LDLRAD3: variants seen among roughly 807,000 people sequenced by gnomAD.
LDLRAD3 encodes low-density lipoprotein receptor class A domain-containing protein 3.
In LDLRAD3, 20 loss-of-function variants were observed where a neutral mutation model predicts 29.4. The observed-to-expected ratio is 0.68, with a 90% CI of 0.48 to 0.99. The LOEUF (loss-of-function observed/expected upper bound fraction) is 0.99, where lower values mean the gene tolerates loss of function less well. Among genes scored for constraint, LDLRAD3 ranks in the 50% least tolerant of loss-of-function variants. The probability of loss-of-function intolerance (pLI) is 0.00; values close to 1 mark genes in which losing one functional copy is unlikely to be tolerated. For synonymous variants in LDLRAD3, 157 were observed against 192.7 expected (o/e 0.81, Z 1.53); for missense variants, 420 against 454.3 (o/e 0.92, Z 0.69).
intron 4 of LDLRAD3, among the ~76,000 whole-genome samples, chr11:36,200,765 GCTTGCAGTAAGTGTT>G (rs1366577084): frequency 6.6e-6 from 1 of 152,218 alleles, no homozygotes; most frequent in Non-Finnish European, 1.5e-5. Flanking sequence ...CAACCCATGG[GCTTGCAGTAAGTGTT>G]CTTCTATCAA....
intron 4 of LDLRAD3, among the ~76,000 whole-genome samples, chr11:36,157,589 G>A (rs1854372631): frequency 6.6e-6 from 1 of 152,216 alleles, no homozygotes; most frequent in South Asian, 2.1e-4. Flanking sequence ...ACTCCACTCT[G>A]TGGATTGGGG....
At chr11:36,120,637 G>T (rs1208212072) in intron 4 of LDLRAD3, among the ~76,000 whole-genome samples, 2 of 152,156 alleles carry the variant, frequency 1.3e-5, no homozygotes, top group Non-Finnish European at 2.9e-5. Context: ...GGGTCACTCA[G>T]CTAGTAGGTG....
intron 4 of LDLRAD3, among the ~76,000 whole-genome samples, chr11:36,204,908 C>G (rs567925267): frequency 6.6e-6 from 1 of 152,272 alleles, no homozygotes; most frequent in South Asian, 2.1e-4. Flanking sequence ...CTTGGGTTGT[C>G]ACATTGGCAC....
At chr11:36,040,244 A>G (rs958032427) in intron 2 of LDLRAD3, among the ~76,000 whole-genome samples, 1 of 152,140 alleles carries the variant, frequency 6.6e-6, no homozygotes, top group Non-Finnish European at 1.5e-5. Context: ...GATATGAGGC[A>G]GTGAGCAGCT....
chr11:35,964,906 T>A (rs957500903), intron 1 of LDLRAD3, among the ~76,000 whole-genome samples: 6 of 151,834 alleles, frequency 4.0e-5, no homozygotes, highest in Non-Finnish European at 7.4e-5. Flanking sequence ...GGAAGATAAC[T>A]TGAACCCAGG....
intron 1 of LDLRAD3, among the ~76,000 whole-genome samples, chr11:36,018,184 G>C (rs933644647): frequency 6.6e-6 from 1 of 152,142 alleles, no homozygotes; most frequent in Non-Finnish European, 1.5e-5. Flanking sequence ...TTTTGGCAGG[G>C]GGCATTGTTC....
chr11:36,065,283 C>T (rs1223090659), intron 2 of LDLRAD3, among the ~76,000 whole-genome samples: 1 of 151,928 alleles, frequency 6.6e-6, no homozygotes, highest in Non-Finnish European at 1.5e-5. Context: ...AGGAACTGAA[C>T]TTTTTTTTGT....
intron 4 of LDLRAD3, among the ~76,000 whole-genome samples, chr11:36,189,433 G>A (rs1028878852): frequency 6.6e-6 from 1 of 151,898 alleles, no homozygotes. Context: ...GCAGTGAGCC[G>A]AGATTGTGCC....
At chr11:36,048,231 T>A (rs1565184715) in intron 2 of LDLRAD3, among the ~76,000 whole-genome samples, 1 of 152,164 alleles carries the variant, frequency 6.6e-6, no homozygotes, top group Non-Finnish European at 1.5e-5. Context: ...TACAGCACAT[T>A]AGTCAAAATT....
chr11:36,175,287 A>AT (rs1214219374), intron 4 of LDLRAD3, among the ~76,000 whole-genome samples: 2 of 151,458 alleles, frequency 1.3e-5, no homozygotes, highest in East Asian at 1.9e-4. Context: ...ATCTTCTGTA[A>AT]TTTTTTTTGT....
At chr11:36,204,314 C>G (rs1274534451) in intron 4 of LDLRAD3, among the ~76,000 whole-genome samples, 2 of 152,098 alleles carry the variant, frequency 1.3e-5, no homozygotes, top group African/African-American at 4.8e-5. Context: ...ATAAAGAGAC[C>G]AGGAAACTGA....
intron 1 of LDLRAD3, chr11:35,967,261 T>C: frequency 5.0e-6 from 1 of 201,876 alleles, no homozygotes; most frequent in Non-Finnish European, 1.0e-5. Context: ...AGGGCCAATT[T>C]CTGACCAGAG....
chr11:36,167,910 G>A (rs1432646236), intron 4 of LDLRAD3, among the ~76,000 whole-genome samples: 1 of 152,174 alleles, frequency 6.6e-6, no homozygotes, highest in Non-Finnish European at 1.5e-5. Flanking sequence ...GCAGTGTCTG[G>A]AAGGTGCACC....
rs531719534 is a variant in LDLRAD3 at position 36,035,130 on chromosome 11, G to C, written c.47-973G>C. On this transcript the variant is annotated intron_variant, in intron 1 of 5. Transcript: ENST00000315571. ...AATGTCCAGTAAATGCTTATGGAAT[G>C]ACTCAGGAGGGAGCTCTGGAGTTGT... 3.3e-5 allele frequency among the ~76,000 whole-genome samples: 5 copies of C among 151,482 alleles called. No individual in the cohort carries two copies. In the East Asian group the frequency reaches 7.8e-4, roughly 24 times the overall value.
intron 3 of LDLRAD3, among the ~76,000 whole-genome samples, chr11:36,087,005 C>T (rs72640803): frequency 0.015 from 2,224 of 152,286 alleles, 51 homozygotes; most frequent in East Asian, 0.1. Flanking sequence ...GATTGAGCCT[C>T]TAAATCTAAC....
chr11:36,060,064 A>G (rs902269048), intron 2 of LDLRAD3, among the ~76,000 whole-genome samples: 1 of 152,216 alleles, frequency 6.6e-6, no homozygotes, highest in African/African-American at 2.4e-5. Flanking sequence ...ATCAGAAGTT[A>G]TATAACTCAG....
At chr11:36,127,938 T>C (rs1196599014) in intron 4 of LDLRAD3, among the ~76,000 whole-genome samples, 3 of 151,694 alleles carry the variant, frequency 2.0e-5, no homozygotes, top group African/African-American at 7.3e-5. Flanking sequence ...TTGAGGTGTT[T>C]TAATGCCCTT....
intron 1 of LDLRAD3, among the ~76,000 whole-genome samples, chr11:35,959,389 A>G (rs1464267940): frequency 6.6e-6 from 1 of 152,080 alleles, no homozygotes; most frequent in Non-Finnish European, 1.5e-5. Context: ...TTCGTGTAGA[A>G]CTTAACACAC....
In LDLRAD3 at chr11:36,150,085, G is replaced by A. The variant is rs78160913; in HGVS notation, c.454+51624G>A. On this transcript the variant is annotated intron_variant, in intron 4 of 5. Transcript: ENST00000315571. ...TGAACTATCCACCAGGCTGCAGGGG[G>A]TATCGTTTACCTGGGGACTGTGTGG... 6.6e-3 allele frequency among the ~76,000 whole-genome samples: 1,004 copies of A among 152,266 alleles called. 12 individuals are homozygous for A. The highest frequency in any genetic ancestry group is 0.023 in the African/African-American group (967 of 41,560).
Sources: allele counts gnomAD v4.1 joint callset (sites outside exome capture counted in the v4.1 genomes callset), GRCh38; gene constraint gnomAD v4.1.1; transcripts MANE v1.5; gene names NCBI Gene and HGNC (gene_info 2026-07-23, HGNC 2026-07-21).